Variants in REEP2 observed in about 807,000 individuals in gnomAD.
The protein encoded by REEP2 is receptor expression-enhancing protein 2.
Under a neutral mutation model 32.1 loss-of-function variants are expected in REEP2, and 9 were observed. That is an observed-to-expected ratio of 0.28 (90% CI 0.17 to 0.49). REEP2 has a LOEUF of 0.49. Ranked by LOEUF, REEP2 falls within the 20% of genes least tolerant of loss-of-function variation. The probability of loss-of-function intolerance (pLI) is 0.99; values close to 1 mark genes in which losing one functional copy is unlikely to be tolerated. For synonymous variants in REEP2, 128 were observed against 139.1 expected (o/e 0.92, Z 0.56); for missense variants, 236 against 338.0 (o/e 0.70, Z 2.37).
chr5:138,445,109 C>A, intron 5 of REEP2, 119 bp from the exon 6 acceptor site: 1 of 1,154,256 alleles, frequency 8.7e-7, no homozygotes, highest in Non-Finnish European at 1.2e-6. Context: ...CTGTGTGGGA[C>A]TGGGTGAGGA....
In REEP2 at chr5:138,439,205, C is replaced by T. The variant is rs765414844; in HGVS notation, c.-4C>T. 7.2e-7 allele frequency: 1 copy of T among 1,379,444 alleles called. No individual in the cohort carries two copies. Among genetic ancestry groups the T allele is most frequent in the Middle Eastern group, 2.3e-4 (1 of 4,330 alleles). 85.5% of individuals were successfully genotyped at this position (1,379,444 alleles called of 1,614,324 possible). A position where few individuals can be genotyped will look rare whatever the true frequency, so the allele number is the denominator to read the frequency against. ...CCCCGCCCCGCGCCGCGCCCGGCCC[C>T]GCCATGGTGTCCTGGATCATCTCTC... On this transcript the variant is annotated 5_prime_UTR_variant, in exon 1 of 8. Transcript: ENST00000378339.
Position 138,441,447 on chromosome 5 carries a change from T to TA in REEP2, c.169dup (p.Ile57AsnfsTer11). On this transcript the variant is annotated frameshift_variant, in exon 3 of 8. Transcript: ENST00000378339. LOFTEE classifies it high-confidence loss of function. This position sits in a 1 kb window ranked among gnomAD's most constrained non-coding sequence, Gnocchi z 4.4. Reference sequence around the variant, plus strand: ...TCACCACGGCCGAGACGCTCACGGATATAGTGCTCTCCTGGTGAGGTCCAG... The same window carrying TA: ...TCACCACGGCCGAGACGCTCACGGATAATAGTGCTCTCCTGGTGAGGTCCAG... 2 of 1,614,146 alleles carry TA rather than the reference T, an allele frequency of 1.2e-6. No individual in the cohort carries two copies. The highest frequency in any genetic ancestry group is 1.7e-6 in the Non-Finnish European group (2 of 1,179,998).
At chr5:138,442,940 C>T (rs999943760) in intron 3 of REEP2, among the ~76,000 whole-genome samples, 8 of 150,520 alleles carry the variant, frequency 5.3e-5, no homozygotes, top group African/African-American at 1.5e-4. Flanking sequence ...ACAGGAGAAT[C>T]GCTTGAACCC....
chr5:138,444,671 G>A (rs1348417126), intron 4 of REEP2, 83 bp from the exon 5 acceptor site: 16 of 1,560,144 alleles, frequency 1.0e-5, no homozygotes, highest in East Asian at 9.1e-5. Context: ...GTGGCCTCCC[G>A]GAGCAGGCAG....
chr5:138,445,163 T>G, intron 5 of REEP2, 65 bp from the exon 6 acceptor site: 2 of 1,508,152 alleles, frequency 1.3e-6, no homozygotes, highest in Middle Eastern at 2.3e-4. Flanking sequence ...GCCAGCACCA[T>G]GGTGACCTCT....
chr5:138,439,083 G>GGCGGCTGCTGCA lies in REEP2; in HGVS notation c.-114_-103dup, dbSNP rs914396231. On this transcript the variant is annotated 5_prime_UTR_variant, in exon 1 of 8. Transcript: ENST00000378339. The stretch of plus-strand genomic sequence containing the variant: ...GCGCTGGGCGCTCCGCTGCCCCCGC[G>GGCGGCTGCTGCA]GCGGCTGCTGCAGCGGCTGCTGCTG... 5.4e-5 allele frequency: 18 copies of GGCGGCTGCTGCA among 333,552 alleles called. No homozygotes were observed. The highest frequency in any genetic ancestry group is 7.1e-5 in the Non-Finnish European group (15 of 212,652). 20.7% of individuals were successfully genotyped at this position (333,552 alleles called of 1,614,324 possible).
Position 138,445,222 on chromosome 5 carries a change from C to A in REEP2, c.418-6C>A. On this transcript the variant is annotated splice_polypyrimidine_tract_variant and splice_region_variant and intron_variant, in intron 5 of 7. Coordinates refer to ENST00000378339, the MANE Select transcript of REEP2 (RefSeq NM_001271803.2). ...CGGCTCTCCCGGTGCGTGGTGGTGA[C>A]CCTAGGGCCAGGGGGTGCTGTCAGA... 4 of 1,598,048 alleles carry A rather than the reference C, an allele frequency of 2.5e-6. No individual in the cohort carries two copies. In the South Asian group the frequency reaches 4.5e-5, roughly 18 times the overall value.
In REEP2 at chr5:138,439,086, G is replaced by GGCTGCTGCAGCGGCTGCTGCT. The variant is rs1763770657; in HGVS notation, c.-119_-99dup. On this transcript the variant is annotated 5_prime_UTR_variant, in exon 1 of 8. Transcript: ENST00000378339. Reference sequence around the variant, plus strand: ...CTGGGCGCTCCGCTGCCCCCGCGGCGGCTGCTGCAGCGGCTGCTGCTGCTA... The same window carrying GGCTGCTGCAGCGGCTGCTGCT: ...CTGGGCGCTCCGCTGCCCCCGCGGCGGCTGCTGCAGCGGCTGCTGCTGCTGCTGCAGCGGCTGCTGCTGCTA... 12 of 356,968 alleles carry GGCTGCTGCAGCGGCTGCTGCT rather than the reference G, an allele frequency of 3.4e-5. No individual in the cohort carries two copies. The highest frequency in any genetic ancestry group is 4.4e-5 in the African/African-American group (2 of 45,566). The allele number at this position is 356,968 out of a possible 1,614,324, so 22.1% of individuals were successfully genotyped here. A position where few individuals can be genotyped will look rare whatever the true frequency, so the allele number is the denominator to read the frequency against.
Position 138,441,835 on chromosome 5 carries a change from G to A in REEP2, c.182+374G>A, listed in dbSNP as rs944659374. 6.6e-6 allele frequency among the ~76,000 whole-genome samples: 1 copy of A among 152,116 alleles called. No homozygotes were observed. The highest frequency in any genetic ancestry group is 1.5e-5 in the Non-Finnish European group (1 of 68,030). On this transcript the variant is annotated intron_variant, in intron 3 of 7. Coordinates refer to ENST00000378339, the MANE Select transcript of REEP2 (RefSeq NM_001271803.2). This position sits in a 1 kb window ranked among gnomAD's most constrained non-coding sequence, Gnocchi z 4.4. ...CCAGCTACTAGGGAGGCTGAGGCAA[G>A]AGAATTGCTTGAACCCAGGAGGTAG...
At chr5:138,440,948 T>G (rs1763812266) in intron 1 of REEP2, 68 bp from the exon 2 acceptor site, 1 of 1,603,636 alleles carries the variant, frequency 6.2e-7, no homozygotes, top group Admixed American at 1.7e-5. Flanking sequence ...CAGGGGCTGA[T>G]GCGGAGCTGG....
At position 138,445,517 on chromosome 5, in the gene REEP2, C is replaced by T; in HGVS notation, c.615C>T (p.Ser205=). 6.2e-7 allele frequency: 1 copy of T among 1,614,166 alleles called. No homozygotes were observed. Among genetic ancestry groups the T allele is most frequent in the Non-Finnish European group, 8.5e-7 (1 of 1,180,024 alleles). ...GGTCCAGCACAAACCCGGCAGATTC[C>T]CGGACAGAGGCTTCTGAGGATGACA... ...SLRSSTNPAD[S]RTEASEDDMG... Residue 205 remains serine (S), a synonymous_variant, in exon 7 of 8, where the codon TCC becomes TCT. Transcript: ENST00000378339.
chr5:138,445,882 G>A lies in REEP2; in HGVS notation c.*131G>A, dbSNP rs1390867148. 1.2e-5 allele frequency: 10 copies of A among 849,642 alleles called. No individual in the cohort carries two copies. Among genetic ancestry groups the A allele is most frequent in the East Asian group, 8.0e-5 (3 of 37,428 alleles). 52.6% of individuals were successfully genotyped at this position (849,642 alleles called of 1,614,324 possible). On this transcript the variant is annotated 3_prime_UTR_variant, in exon 8 of 8. Transcript: ENST00000378339. Reference sequence around the variant, plus strand: ...CTGGGCCCCGCAGATGGCCATTTCCGGTGCCTGCCCAGTGGCCACTCTTCT... The same window carrying A: ...CTGGGCCCCGCAGATGGCCATTTCCAGTGCCTGCCCAGTGGCCACTCTTCT...
rs1181973656 is a variant in REEP2, at chr5:138,446,157, C to T, written c.*406C>T. On this transcript the variant is annotated 3_prime_UTR_variant, in exon 8 of 8. Transcript: ENST00000378339. ...GGAGCAGGGAGGGGGAAGTCCTAGC[C>T]CAGATGGACCAAGGACGGGCCTGAA... The T allele has an allele frequency of 2.2e-5, 4 of 183,064 alleles. No homozygotes were observed. Among genetic ancestry groups the T allele is most frequent in the Non-Finnish European group, 4.6e-5 (4 of 86,672 alleles). 11.3% of individuals were successfully genotyped at this position (183,064 alleles called of 1,614,324 possible).
rs1439024526 is a variant in REEP2, at chr5:138,444,842, A to G, written c.392A>G (p.Asn131Ser). Residue 131 changes from asparagine to serine, a missense_variant, in exon 5 of 8, where the codon AAT becomes AGT. By Grantham distance (46) the Asn-to-Ser change is conservative (BLOSUM62 1). Coordinates refer to ENST00000378339, the MANE Select transcript of REEP2 (RefSeq NM_001271803.2). ...AAGAGGGGCCTGAACCTTGCCGCCAATGCTGCAGTCACAGCTGCCGCCAAG... is the reference window on the plus strand; with the variant it reads ...AAGAGGGGCCTGAACCTTGCCGCCAGTGCTGCAGTCACAGCTGCCGCCAAG... ...VGKRGLNLAANAAVTAAAKGQ... is the reference protein window; with the variant it reads ...VGKRGLNLAASAAVTAAAKGQ... 2.5e-6 allele frequency: 4 copies of G among 1,613,528 alleles called. No individual in the cohort carries two copies. In the South Asian group the frequency reaches 3.3e-5, roughly 13 times the overall value.
At position 138,441,618 on chromosome 5, in the gene REEP2, A is replaced by C. The variant is rs1763828567; in HGVS notation, c.182+157A>C. Among the ~76,000 whole-genome samples, 1 of 152,024 alleles carries C rather than the reference A, an allele frequency of 6.6e-6. No homozygotes were observed. Among genetic ancestry groups the C allele is most frequent in the Non-Finnish European group, 1.5e-5 (1 of 68,008 alleles). ...TATCTCCCCTCTCATGCCTAACTTG[A>C]CCTGCAGAAGAACAGACATAGTAGT... is the stretch of plus-strand genomic sequence containing the variant. On this transcript the variant is annotated intron_variant, in intron 3 of 7. Coordinates refer to ENST00000378339, the MANE Select transcript of REEP2 (RefSeq NM_001271803.2). This position sits in a 1 kb window ranked among gnomAD's most constrained non-coding sequence, Gnocchi z 4.4.
Position 138,441,184 on chromosome 5 carries a change from C to A in REEP2, c.105+96C>A. The A allele has an allele frequency of 6.7e-7, 1 of 1,494,424 alleles. No homozygotes were observed. The highest frequency in any genetic ancestry group is 9.2e-7 in the Non-Finnish European group (1 of 1,086,782). The allele number at this position is 1,494,424 out of a possible 1,614,324, so 92.6% of individuals were successfully genotyped here. ...ACAGATGGGGGTGACTTTGCACCAA[C>A]ACTGTCAGCCACTAACAAGACCCAC... is the stretch of plus-strand genomic sequence containing the variant. On this transcript the variant is annotated intron_variant, in intron 2 of 7. Coordinates refer to ENST00000378339, the MANE Select transcript of REEP2 (RefSeq NM_001271803.2). This position sits in a 1 kb window ranked among gnomAD's most constrained non-coding sequence, Gnocchi z 4.4.
chr5:138,439,886 A>G, intron 1 of REEP2: 1 of 396,296 alleles, frequency 2.5e-6, no homozygotes, highest in Non-Finnish European at 5.1e-6. Flanking sequence ...CTGGGGGAGG[A>G]CGCTCCGTGG....
chr5:138,439,206 G>T lies in REEP2; in HGVS notation c.-3G>T. The T allele has an allele frequency of 7.2e-7, 1 of 1,380,026 alleles. No individual in the cohort carries two copies. The highest frequency in any genetic ancestry group is 9.4e-7 in the Non-Finnish European group (1 of 1,067,272). 85.5% of individuals were successfully genotyped at this position (1,380,026 alleles called of 1,614,324 possible). On this transcript the variant is annotated 5_prime_UTR_variant, in exon 1 of 8. Coordinates refer to ENST00000378339, the MANE Select transcript of REEP2 (RefSeq NM_001271803.2). ...CCCGCCCCGCGCCGCGCCCGGCCCC[G>T]CCATGGTGTCCTGGATCATCTCTCG...
chr5:138,445,221 A>G lies in REEP2; in HGVS notation c.418-7A>G. 1 of 1,588,388 alleles carries G rather than the reference A, an allele frequency of 6.3e-7. No individual in the cohort carries two copies. Among genetic ancestry groups the G allele is most frequent in the East Asian group, 2.2e-5 (1 of 44,692 alleles). On this transcript the variant is annotated splice_polypyrimidine_tract_variant and splice_region_variant and intron_variant, in intron 5 of 7. Coordinates refer to ENST00000378339, the MANE Select transcript of REEP2 (RefSeq NM_001271803.2). ...CCGGCTCTCCCGGTGCGTGGTGGTG[A>G]CCCTAGGGCCAGGGGGTGCTGTCAG...
Sources: gnomAD v4.1 joint callset for allele counts (sites outside exome capture counted in the v4.1 genomes callset) on GRCh38, gnomAD v4.1.1 for gene constraint, Gnocchi (gnomAD v3.1) non-coding constraint, MANE v1.5 for transcripts, NCBI Gene and HGNC (gene_info 2026-07-23, HGNC 2026-07-21) for gene names.